Variants in GRID2 observed in about 807,000 individuals in gnomAD.
GRID2 encodes glutamate ionotropic receptor delta type subunit 2.
A neutral mutation model predicts 114.8 loss-of-function variants in GRID2; 33 were observed. That is an observed-to-expected ratio of 0.29 (90% CI 0.22 to 0.38). The LOEUF (loss-of-function observed/expected upper bound fraction) is 0.38, where lower values mean the gene tolerates loss of function less well. GRID2 is among the 10% of genes least tolerant of loss of function. GRID2 has a pLI of 1.00. For synonymous variants in GRID2, 505 were observed against 449.9 expected (o/e 1.12, Z -1.55); for missense variants, 1,184 against 1,257.7 (o/e 0.94, Z 0.89).
chr4:92,504,728 T>C (rs978422608), intron 1 of GRID2, among the ~76,000 whole-genome samples: 1 of 151,894 alleles, frequency 6.6e-6, no homozygotes, highest in Admixed American at 6.6e-5. Flanking sequence ...AACAGATAGG[T>C]TCCTAAAATA....
intron 8 of GRID2, among the ~76,000 whole-genome samples, chr4:93,348,631 G>T (rs550800971): frequency 1.1e-4 from 16 of 152,084 alleles, no homozygotes; most frequent in Non-Finnish European, 2.4e-4. Flanking sequence ...AGACTGTGCT[G>T]GGGTTACCTC....
At position 93,761,305 on chromosome 4, in the gene GRID2, C is replaced by T. The variant is rs115987499; in HGVS notation, c.2361-7905C>T. 7.0e-3 allele frequency among the ~76,000 whole-genome samples: 1,061 copies of T among 152,290 alleles called. 14 individuals carry two copies. The highest frequency in any genetic ancestry group is 0.024 in the African/African-American group (1,013 of 41,546). ...TGGACTTGCTATATCACTTAAGCCA[C>T]CTCAACTTCAATATCTTCATCAGTG... is the stretch of plus-strand genomic sequence containing the variant. On this transcript the variant is annotated intron_variant, in intron 14 of 15. Coordinates refer to ENST00000282020, the MANE Select transcript of GRID2 (RefSeq NM_001510.4).
chr4:92,844,880 T>C (rs1400335160), intron 2 of GRID2, among the ~76,000 whole-genome samples: 1 of 152,096 alleles, frequency 6.6e-6, no homozygotes, highest in East Asian at 1.9e-4. Flanking sequence ...AAAAAGTATC[T>C]TTTTTACTGC....
intron 4 of GRID2, among the ~76,000 whole-genome samples, chr4:93,163,388 A>ACACTATATATATATATATATATG (rs1320845062): frequency 2.2e-5 from 1 of 46,160 alleles, no homozygotes; most frequent in East Asian, 5.5e-4. Flanking sequence ...ATATATATAT[A>ACACTATATATATATATATATATG]TATATATATA....
intron 14 of GRID2, among the ~76,000 whole-genome samples, chr4:93,679,954 C>G (rs1560897256): frequency 1.3e-5 from 2 of 150,362 alleles, no homozygotes; most frequent in Non-Finnish European, 3.0e-5. Context: ...AAATAGAGAC[C>G]AAAAAAACCT....
At chr4:93,530,542 A>G (rs970904215) in intron 13 of GRID2, among the ~76,000 whole-genome samples, 1 of 151,848 alleles carries the variant, frequency 6.6e-6, no homozygotes, top group Non-Finnish European at 1.5e-5. Context: ...TTTTCTGTCT[A>G]TTCGTTCTTC....
At chr4:93,697,531 C>G (rs1333515676) in intron 14 of GRID2, among the ~76,000 whole-genome samples, 1 of 151,970 alleles carries the variant, frequency 6.6e-6, no homozygotes, top group Non-Finnish European at 1.5e-5. Context: ...TGGATTTGTT[C>G]CATGCCAAAA....
chr4:92,646,415 A>C (rs1253834699), intron 2 of GRID2, among the ~76,000 whole-genome samples: 1 of 152,228 alleles, frequency 6.6e-6, no homozygotes, highest in Non-Finnish European at 1.5e-5. Flanking sequence ...AGTAGTTTCT[A>C]ATACTGATAA....
chr4:93,744,933 C>G (rs1280921789), intron 14 of GRID2, among the ~76,000 whole-genome samples: 1 of 152,152 alleles, frequency 6.6e-6, no homozygotes, highest in Non-Finnish European at 1.5e-5. Context: ...TCTCCACTAG[C>G]AAAACAACTG....
At chr4:92,479,301 G>A (rs1722468463) in intron 1 of GRID2, among the ~76,000 whole-genome samples, 1 of 152,044 alleles carries the variant, frequency 6.6e-6, no homozygotes, top group Admixed American at 6.6e-5. Flanking sequence ...CTCTGCTAAA[G>A]TGGATTTAGT....
At chr4:92,309,860 G>T (rs1384383452) in intron 1 of GRID2, among the ~76,000 whole-genome samples, 1 of 151,760 alleles carries the variant, frequency 6.6e-6, no homozygotes, top group Non-Finnish European at 1.5e-5. Context: ...GTTTAATACT[G>T]CTGGAGTAAA....
At chr4:93,676,566 A>T (rs1028240120) in intron 14 of GRID2, among the ~76,000 whole-genome samples, 1 of 152,210 alleles carries the variant, frequency 6.6e-6, no homozygotes, top group African/African-American at 2.4e-5. Flanking sequence ...TTATGGTTAC[A>T]AATTATGGGA....
chr4:93,540,379 A>G (rs963633297), intron 13 of GRID2, among the ~76,000 whole-genome samples: 1 of 152,006 alleles, frequency 6.6e-6, no homozygotes, highest in Admixed American at 6.6e-5. Context: ...TTTAGTCACT[A>G]TTGCAATAGA....
intron 1 of GRID2, among the ~76,000 whole-genome samples, chr4:92,411,445 A>G (rs1385214402): frequency 6.6e-6 from 1 of 151,940 alleles, no homozygotes; most frequent in African/African-American, 2.4e-5. Context: ...CACTGTATAA[A>G]CTAAATATGT....
At chr4:93,216,418 A>G (rs1744225170) in intron 5 of GRID2, among the ~76,000 whole-genome samples, 1 of 152,050 alleles carries the variant, frequency 6.6e-6, no homozygotes, top group Non-Finnish European at 1.5e-5. Context: ...ACCTTTTTAA[A>G]TGTTTTGACC....
intron 1 of GRID2, among the ~76,000 whole-genome samples, chr4:92,314,501 A>G (rs1725867939): frequency 6.6e-6 from 1 of 152,094 alleles, no homozygotes; most frequent in African/African-American, 2.4e-5. Context: ...TAATGTGTAG[A>G]GGGACAAAAA....
At chr4:93,758,883 A>G (rs1226513377) in intron 14 of GRID2, among the ~76,000 whole-genome samples, 2 of 151,956 alleles carry the variant, frequency 1.3e-5, no homozygotes, top group Non-Finnish European at 2.9e-5. Flanking sequence ...TTTCTCCTTT[A>G]CCCTATAACC....
At chr4:93,513,890 A>G (rs1427654171) in intron 12 of GRID2, among the ~76,000 whole-genome samples, 1 of 152,176 alleles carries the variant, frequency 6.6e-6, no homozygotes, top group Non-Finnish European at 1.5e-5. Context: ...CCTTTGCCCA[A>G]TGCTACTGTT....
chr4:92,423,728 C>A (rs1165367653), intron 1 of GRID2, among the ~76,000 whole-genome samples: 2 of 151,922 alleles, frequency 1.3e-5, no homozygotes, highest in African/African-American at 4.8e-5. Flanking sequence ...GAATAAAATG[C>A]AAACAGAGGG....
Sources: gnomAD v4.1 joint callset for allele counts (sites outside exome capture counted in the v4.1 genomes callset) on GRCh38, gnomAD v4.1.1 for gene constraint, MANE v1.5 for transcripts, NCBI Gene and HGNC (gene_info 2026-07-23, HGNC 2026-07-21) for gene names.